Variants in CAMTA1 observed in about 807,000 individuals in gnomAD.
CAMTA1 encodes the protein calmodulin-binding transcription activator 1.
A neutral mutation model predicts 170.9 loss-of-function variants in CAMTA1; 27 were observed. The ratio of observed to expected loss-of-function variants is 0.16; its 90% CI spans 0.12 to 0.22. The LOEUF (loss-of-function observed/expected upper bound fraction) is 0.22. CAMTA1 is among the 10% of genes least tolerant of loss of function. The pLI is 1.00. For missense variants in CAMTA1, 1,619 were observed against 2,217.2 expected (o/e 0.73, Z 5.42); for synonymous variants, 833 against 891.5 (o/e 0.93, Z 1.17).
intron 3 of CAMTA1, among the ~76,000 whole-genome samples, chr1:7,084,575 A>C (rs1270347715): frequency 3.3e-5 from 5 of 152,224 alleles, no homozygotes; most frequent in African/African-American, 1.2e-4. Context: ...TCGTCACCTC[A>C]GAGGTGGACC....
chr1:7,654,841 C>T, intron 7 of CAMTA1, among the ~76,000 whole-genome samples: 1 of 141,130 alleles, frequency 7.1e-6, no homozygotes, highest in Non-Finnish European at 1.5e-5. Flanking sequence ...TACACACGAA[C>T]ACACCCACCT....
At chr1:7,030,559 C>A (rs948639486) in intron 3 of CAMTA1, among the ~76,000 whole-genome samples, 3 of 152,154 alleles carry the variant, frequency 2.0e-5, no homozygotes, top group African/African-American at 7.2e-5. Flanking sequence ...CAAATATGGT[C>A]AGTTGAAGTG....
intron 6 of CAMTA1, among the ~76,000 whole-genome samples, chr1:7,577,060 A>G (rs1225565397): frequency 1.3e-5 from 2 of 152,226 alleles, no homozygotes; most frequent in African/African-American, 4.8e-5. Context: ...AGTCAAACCC[A>G]AGGGACTCAG....
chr1:6,963,087 G>T (rs1471681149), intron 3 of CAMTA1, among the ~76,000 whole-genome samples: 1 of 150,466 alleles, frequency 6.6e-6, no homozygotes, highest in Non-Finnish European at 1.5e-5. Flanking sequence ...GTCCATTAGG[G>T]CCCCGCCTTC....
rs1443595135 is a variant in CAMTA1 at position 7,443,371 on chromosome 1, A to T, written c.439-24459A>T. ...TAGCTAGTACTTGTTGAGTTAGTAG[A>T]TGCTGCATCAAGGTGGCCTTGGGAG... On this transcript the variant is annotated intron_variant, in intron 5 of 22. Transcript: ENST00000303635. This position sits in a 1 kb window ranked among gnomAD's most constrained non-coding sequence, Gnocchi z 4.1. Among the ~76,000 whole-genome samples the T allele has an allele frequency of 6.6e-6, 1 of 152,214 alleles. No homozygotes were observed. Among genetic ancestry groups the T allele is most frequent in the Admixed American group, 6.5e-5 (1 of 15,286 alleles).
chr1:6,968,124 C>T (rs570998849), intron 3 of CAMTA1, among the ~76,000 whole-genome samples: 7 of 152,334 alleles, frequency 4.6e-5, no homozygotes, highest in South Asian at 2.1e-4. Context: ...ATGGAACCCA[C>T]GAATTCCGTT....
At chr1:7,252,629 G>A (rs1666798827) in intron 5 of CAMTA1, among the ~76,000 whole-genome samples, 1 of 152,182 alleles carries the variant, frequency 6.6e-6, no homozygotes, top group African/African-American at 2.4e-5. Context: ...CGTCTTTGGT[G>A]GATTCAATCA....
intron 4 of CAMTA1, among the ~76,000 whole-genome samples, chr1:7,233,032 A>T (rs1393680035): frequency 6.6e-6 from 1 of 151,578 alleles, no homozygotes. Context: ...ATTGGACCAG[A>T]AGCTAATTCC....
intron 19 of CAMTA1, 122 bp downstream of exon 19, chr1:7,747,903 G>GT (rs2096867835): frequency 5.5e-6 from 3 of 548,498 alleles, no homozygotes; most frequent in African/African-American, 4.8e-5. Flanking sequence ...TTGTTTTTTG[G>GT]TTGTTTTTTT....
intron 3 of CAMTA1, among the ~76,000 whole-genome samples, chr1:7,029,894 A>G (rs965381913): frequency 5.9e-5 from 9 of 152,206 alleles, no homozygotes; most frequent in Non-Finnish European, 1.0e-4. Flanking sequence ...ACAAAACAAA[A>G]TTTAGTGAGA....
chr1:7,335,683 G>A lies in CAMTA1; in HGVS notation c.438+86057G>A, dbSNP rs369802335. Among the ~76,000 whole-genome samples the A allele has an allele frequency of 3.5e-4, 54 of 152,180 alleles. 1 individual carries two copies. In the East Asian group the frequency reaches 9.1e-3, roughly 26 times the overall value. ...GAGGATGGGCAAATAGCATTCACGC[G>A]TGTGTCCTCCAGGGTGGAATCTGCC... is the stretch of plus-strand genomic sequence containing the variant. On this transcript the variant is annotated intron_variant, in intron 5 of 22. Coordinates refer to ENST00000303635, the MANE Select transcript of CAMTA1 (RefSeq NM_015215.4).
intron 6 of CAMTA1, among the ~76,000 whole-genome samples, chr1:7,631,694 C>T (rs2095670277): frequency 6.6e-6 from 1 of 152,184 alleles, no homozygotes; most frequent in East Asian, 1.9e-4. Context: ...TCCTGGGAGA[C>T]CTGAGCAGCA....
intron 6 of CAMTA1, among the ~76,000 whole-genome samples, chr1:7,557,972 G>A (rs1457352651): frequency 2.0e-5 from 3 of 152,184 alleles, no homozygotes; most frequent in South Asian, 2.1e-4. Flanking sequence ...TTTACCTCGC[G>A]GTGTGGTGTC....
intron 6 of CAMTA1, among the ~76,000 whole-genome samples, chr1:7,477,692 G>A (rs768873902): frequency 6.6e-5 from 10 of 152,228 alleles, no homozygotes; most frequent in Non-Finnish European, 1.3e-4. Context: ...ACCCCTCCCC[G>A]CCTCTGGGGA....
At chr1:6,854,231 T>G (rs1661437414) in intron 3 of CAMTA1, among the ~76,000 whole-genome samples, 1 of 152,238 alleles carries the variant, frequency 6.6e-6, no homozygotes, top group South Asian at 2.1e-4. Flanking sequence ...GTGTAACACA[T>G]TACTGTTTCT....
At chr1:7,270,188 G>T (rs1279712902) in intron 5 of CAMTA1, among the ~76,000 whole-genome samples, 2 of 144,232 alleles carry the variant, frequency 1.4e-5, no homozygotes, top group South Asian at 2.2e-4. Context: ...TATACTACAG[G>T]ATTTATATAT....
In CAMTA1 at chr1:7,685,147, C is replaced by G. The variant is rs1003355799; in HGVS notation, c.2914+7414C>G. Among the ~76,000 whole-genome samples, 2 of 151,814 alleles carry G rather than the reference C, an allele frequency of 1.3e-5. No homozygotes were observed. Among genetic ancestry groups the G allele is most frequent in the African/African-American group, 4.8e-5 (2 of 41,288 alleles). The stretch of plus-strand genomic sequence containing the variant: ...CACAGGTGGTGTGTTTTGAGGAGTT[C>G]GCAGGCACCGTCCTGAGGTCACAGG... On this transcript the variant is annotated intron_variant, in intron 11 of 22. Coordinates refer to ENST00000303635, the MANE Select transcript of CAMTA1 (RefSeq NM_015215.4). The surrounding 1 kb of genome is among the most constrained non-coding windows in gnomAD (Gnocchi z 5.7).
chr1:7,670,092 C>T (rs768012788), intron 9 of CAMTA1, among the ~76,000 whole-genome samples: 1 of 152,222 alleles, frequency 6.6e-6, no homozygotes, highest in African/African-American at 2.4e-5. Context: ...GGTCCTCCCC[C>T]CTGGAGCTGA....
chr1:6,989,766 C>T (rs1312829769), intron 3 of CAMTA1, among the ~76,000 whole-genome samples: 1 of 152,190 alleles, frequency 6.6e-6, no homozygotes, highest in Non-Finnish European at 1.5e-5. Flanking sequence ...TCTAGGAGGT[C>T]ACATCCTTTG....
Sources: allele counts gnomAD v4.1 joint callset (sites outside exome capture counted in the v4.1 genomes callset), GRCh38; gene constraint gnomAD v4.1.1; non-coding constraint Gnocchi (gnomAD v3.1); transcripts MANE v1.5; gene names NCBI Gene and HGNC (gene_info 2026-07-23, HGNC 2026-07-21).